Variants in SHARPIN observed in about 807,000 individuals in gnomAD.
SHARPIN encodes the protein hSIPL1.
Under a neutral mutation model 40.3 loss-of-function variants are expected in SHARPIN, and 25 were observed. The ratio of observed to expected loss-of-function variants is 0.62; its 90% confidence interval spans 0.45 to 0.87. SHARPIN has a LOEUF of 0.87. Among genes scored for constraint, SHARPIN ranks in the 40% least tolerant of loss-of-function variants. The pLI is 0.00. For synonymous variants in SHARPIN, 274 were observed against 221.8 expected (o/e 1.24, Z -2.09); for missense variants, 551 against 516.1 (o/e 1.07, Z -0.66).
chr8:144,100,121 G>A, intron 2 of SHARPIN, 52 bp from the exon 3 acceptor site: 2 of 1,514,122 alleles, frequency 1.3e-6, no homozygotes, highest in East Asian at 2.3e-5. Flanking sequence ...CAGGCCTCTA[G>A]GCCCTTGGTT....
Position 144,099,933 on chromosome 8 carries a change from C to G in SHARPIN, c.513G>C (p.Glu171Asp), listed in dbSNP as rs1218430063. The change falls in exon 3 of 9, where the codon GAG becomes GAC. Residue 171 changes from glutamate (E) to aspartate (D), a missense_variant. Glu to Asp is a conservative substitution (Grantham distance 45). Transcript: ENST00000398712. ...ACCCCCTCCCCCCACCTGTACCTCTCTCCGTCAAGTTTCCAGGGCTCCTAG... is the reference window on the plus strand; with the variant it reads ...ACCCCCTCCCCCCACCTGTACCTCTGTCCGTCAAGTTTCCAGGGCTCCTAG... ...DLPRSPGNLT[E>D]REELAGSLAR... 3.9e-6 allele frequency: 6 copies of G among 1,520,940 alleles called. No individual in the cohort carries two copies. Among genetic ancestry groups the G allele is most frequent in the Non-Finnish European group, 8.9e-7 (1 of 1,120,358 alleles). The allele number at this position is 1,520,940 out of a possible 1,614,324, so 94.2% of individuals were successfully genotyped here. A position where few individuals can be genotyped will look rare whatever the true frequency, so the allele number is the denominator to read the frequency against.
chr8:144,101,740 TG>T (rs1445338344), intron 2 of SHARPIN, among the ~76,000 whole-genome samples: 1 of 152,068 alleles, frequency 6.6e-6, no homozygotes, highest in Non-Finnish European at 1.5e-5. Context: ...TTAAATTTTT[TG>T]TATGTTGCCC....
At chr8:144,100,108 G>A (rs1036166966) in intron 2 of SHARPIN, 39 bp from the exon 3 acceptor site, 1 of 1,526,816 alleles carries the variant, frequency 6.5e-7, no homozygotes, top group Non-Finnish European at 8.8e-7. Context: ...TGTGGCCTCT[G>A]TCCAGGCCTC....
In SHARPIN at chr8:144,103,539, C is replaced by T. The variant is rs768651874; in HGVS notation, c.201+14G>A. On this transcript the variant is annotated intron_variant, in intron 1 of 8. Transcript: ENST00000398712. ...GCCAAGAGGACTGACCGCGCGCCCT[C>T]CGCCCCCACTCACCGCCCCAGGTCC... 6.5e-7 allele frequency: 1 copy of T among 1,531,386 alleles called. No individual in the cohort carries two copies. The highest frequency in any genetic ancestry group is 2.2e-4 in the Middle Eastern group (1 of 4,530). The allele number at this position is 1,531,386 out of a possible 1,614,324, so 94.9% of individuals were successfully genotyped here.
intron 2 of SHARPIN, among the ~76,000 whole-genome samples, chr8:144,101,665 A>G (rs1003592275): frequency 1.4e-4 from 20 of 144,910 alleles, no homozygotes; most frequent in Admixed American, 4.2e-4. Context: ...ATCTGCCCAC[A>G]TCGGCCTCCC....
chr8:144,100,222 C>T (rs527367704), intron 2 of SHARPIN, among the ~76,000 whole-genome samples, 153 bp from the exon 3 acceptor site: 2 of 152,360 alleles, frequency 1.3e-5, no homozygotes, highest in South Asian at 4.1e-4. Flanking sequence ...CCAGCCTTGG[C>T]TCTGGCAAGA....
intron 2 of SHARPIN, among the ~76,000 whole-genome samples, chr8:144,101,349 A>G (rs910775864): frequency 6.8e-6 from 1 of 146,384 alleles, no homozygotes; most frequent in African/African-American, 2.5e-5. Context: ...TGATCCTCCC[A>G]TCTCAACCTC....
chr8:144,099,537 G>GT lies in SHARPIN; in HGVS notation c.740dup (p.His247GlnfsTer34). On this transcript the variant is annotated frameshift_variant, in exon 5 of 9. Coordinates refer to ENST00000398712, the MANE Select transcript of SHARPIN (RefSeq NM_030974.4). LOFTEE classifies it high-confidence loss of function. ...GCTCCTGGAGAGCTGCAACAGTGCA[G>GT]TGGGGGTGGACCTGCAGGGCAACGT... is the stretch of plus-strand genomic sequence containing the variant. The GT allele has an allele frequency of 6.2e-7, 1 of 1,614,044 alleles. No individual in the cohort carries two copies.
chr8:144,101,362 G>A (rs906173165), intron 2 of SHARPIN, among the ~76,000 whole-genome samples: 2 of 145,596 alleles, frequency 1.4e-5, no homozygotes, highest in East Asian at 2.0e-4. Context: ...TCAACCTCCC[G>A]AATAGCTGGG....
Position 144,098,948 on chromosome 8 carries a change from C to T in SHARPIN, c.1094G>A (p.Arg365His), listed in dbSNP as rs112552278. The T allele has an allele frequency of 5.6e-3, 8,994 of 1,592,062 alleles. 76 individuals carry two copies. Among genetic ancestry groups the T allele is most frequent in the South Asian group, 0.028 (2,451 of 87,466 alleles). The part of the protein sequence containing the change: ...PSCTFINAPD[R>H]PGCEMCSTQR... Reference sequence around the variant, plus strand: ...GGTGCTACACATCTCACAGCCAGGGCGGTCTGGGGCATTGATGAAGGTGCA... The same window carrying T: ...GGTGCTACACATCTCACAGCCAGGGTGGTCTGGGGCATTGATGAAGGTGCA... The change falls in exon 8 of 9, where the codon CGC (arginine) becomes CAC (histidine). Residue 365 changes from arginine (R) to histidine (H), a missense_variant. Coordinates refer to ENST00000398712, the MANE Select transcript of SHARPIN (RefSeq NM_030974.4).
rs925265341 is a variant in SHARPIN, at chr8:144,103,743, G to A, written c.11C>T (p.Pro4Leu). The A allele has an allele frequency of 2.2e-6, 3 of 1,380,058 alleles. No homozygotes were observed. Among genetic ancestry groups the A allele is most frequent in the Admixed American group, 3.5e-5 (1 of 28,724 alleles). The allele number at this position is 1,380,058 out of a possible 1,614,324, so 85.5% of individuals were successfully genotyped here. The change falls in exon 1 of 9, where the codon CCA becomes CTA. Residue 4 changes from proline to leucine, a missense_variant. Physicochemically the swap from Pro to Leu is moderately conservative, Grantham distance 98. Coordinates refer to ENST00000398712, the MANE Select transcript of SHARPIN (RefSeq NM_030974.4). ...GGCCGCCGCCGCCGCCCCGCCCGCT[G>A]GCGGCGCCATCTCCGGTCCGGCCGG... MAP[P>L]AGGAAAAASD...
intron 2 of SHARPIN, among the ~76,000 whole-genome samples, chr8:144,101,905 G>C (rs1219879558): frequency 6.6e-6 from 1 of 152,124 alleles, no homozygotes; most frequent in Non-Finnish European, 1.5e-5. Flanking sequence ...AGAGAGCTTA[G>C]CTCCTTTTAT....
intron 1 of SHARPIN, 113 bp from the exon 2 acceptor site, chr8:144,103,338 C>T (rs1359529332): frequency 3.2e-6 from 4 of 1,253,894 alleles, no homozygotes; most frequent in Non-Finnish European, 4.4e-6. Context: ...AAGCCCTGTA[C>T]GCCTATCATC....
intron 2 of SHARPIN, among the ~76,000 whole-genome samples, chr8:144,101,329 T>C (rs1026052194): frequency 1.4e-4 from 21 of 150,878 alleles, no homozygotes; most frequent in Non-Finnish European, 2.8e-4. Flanking sequence ...CTAGAACCCC[T>C]GGGCTCAAGT....
intron 2 of SHARPIN, chr8:144,100,838 C>A (rs1836273308): frequency 2.2e-5 from 2 of 92,480 alleles, no homozygotes; most frequent in South Asian, 5.5e-4. Flanking sequence ...TCCCTGCCAC[C>A]ACTTTTTTTT....
intron 2 of SHARPIN, 61 bp from the exon 3 acceptor site, chr8:144,100,130 T>A: frequency 6.6e-7 from 1 of 1,511,222 alleles, no homozygotes; most frequent in Non-Finnish European, 8.8e-7. Flanking sequence ...AGGCCCTTGG[T>A]TTTCCAGGAC....
In SHARPIN at chr8:144,098,767, A is replaced by C. The variant is rs1242254739; in HGVS notation, c.*34T>G. The stretch of plus-strand genomic sequence containing the variant: ...CTGGAGATGTCGGACTTGTGAGGGA[A>C]GGGCCACTCTCCCCTTGTAACCTGT... On this transcript the variant is annotated 3_prime_UTR_variant, in exon 9 of 9. Coordinates refer to ENST00000398712, the MANE Select transcript of SHARPIN (RefSeq NM_030974.4). 1.3e-6 allele frequency: 1 copy of C among 788,620 alleles called. No homozygotes were observed. The highest frequency in any genetic ancestry group is 1.8e-5 in the African/African-American group (1 of 55,236). 48.9% of individuals were successfully genotyped at this position (788,620 alleles called of 1,614,324 possible).
At position 144,098,921 on chromosome 8, in the gene SHARPIN, T is replaced by C; in HGVS notation, c.1121A>G (p.Gln374Arg). Residue 374 changes from glutamine to arginine, a missense_variant, in exon 8 of 9, where the codon CAG becomes CGG. Physicochemically the swap from Gln to Arg is conservative, Grantham distance 43. Coordinates refer to ENST00000398712, the MANE Select transcript of SHARPIN (RefSeq NM_030974.4). The stretch of plus-strand genomic sequence containing the variant: ...AAGGGGGTCCCAAGTGCAGGGCCTC[T>C]GGGTGCTACACATCTCACAGCCAGG... ...DRPGCEMCSTQRPCTWDPLAA... is the reference protein window; with the variant it reads ...DRPGCEMCSTRRPCTWDPLAA... The C allele has an allele frequency of 6.3e-7, 1 of 1,594,906 alleles. No individual in the cohort carries two copies. Among genetic ancestry groups the C allele is most frequent in the Non-Finnish European group, 8.5e-7 (1 of 1,174,396 alleles).
At position 144,102,897 on chromosome 8, in the gene SHARPIN, C is replaced by G. The variant is rs1438128022; in HGVS notation, c.376+154G>C. On this transcript the variant is annotated intron_variant, in intron 2 of 8. Transcript: ENST00000398712. ...TAGGAGACTGACTCCAGCAGCCACT[C>G]CAAGTACTCCAAGCTACTCCAGGCT... 4.3e-5 allele frequency: 38 copies of G among 891,212 alleles called. No individual in the cohort carries two copies. In the East Asian group the frequency reaches 7.2e-4, roughly 17 times the overall value. The allele number at this position is 891,212 out of a possible 1,614,324, so 55.2% of individuals were successfully genotyped here.
Sources: allele counts gnomAD v4.1 joint callset (sites outside exome capture counted in the v4.1 genomes callset), GRCh38; gene constraint gnomAD v4.1.1; transcripts MANE v1.5; gene names NCBI Gene and HGNC (gene_info 2026-07-23, HGNC 2026-07-21).